ZNF594: variants seen among roughly 807,000 people sequenced by gnomAD.
The protein encoded by ZNF594 is zinc finger protein 594.
For synonymous variants in ZNF594, 336 were observed against 309.4 expected (o/e 1.09, Z -0.90); for missense variants, 1,037 against 964.6 (o/e 1.08, Z -0.99).
Position 5,183,642 on chromosome 17 carries a change from G to A in ZNF594, c.615C>T (p.His205=), listed in dbSNP as rs1045880517. The A allele has an allele frequency of 5.0e-6, 8 of 1,614,056 alleles. No individual in the cohort carries two copies. In the Admixed American group the frequency reaches 5.0e-5, roughly 10 times the overall value. ...SSNLVRHKQI[H]SGGNPYECKE... ...TGCACTCATAGGGATTCCCACCACTGTGAATTTGCTTATGTCTCACCAGAT... is the reference window on the plus strand; with the variant it reads ...TGCACTCATAGGGATTCCCACCACTATGAATTTGCTTATGTCTCACCAGAT... Residue 205 remains histidine, a synonymous_variant, in exon 2 of 2, where the codon CAC becomes CAT. Coordinates refer to ENST00000575779, the MANE Select transcript of ZNF594 (RefSeq NM_032530.2).
In ZNF594 at chr17:5,182,394, T is replaced by C. The variant is rs1448054208; in HGVS notation, c.1863A>G (p.Glu621=). ...CACATTTGTTGCATACATAAGGTTT[T>C]TCTCCACTGTGAATTCTATGATGTC... is the stretch of plus-strand genomic sequence containing the variant. ...LLRHHRIHSG[E]KPYVCNKCGK... The change falls in exon 2 of 2, where the codon GAA becomes GAG. Residue 621 remains glutamate, a synonymous_variant. Transcript: ENST00000575779. 6.2e-6 allele frequency: 10 copies of C among 1,613,520 alleles called. No homozygotes were observed. The highest frequency in any genetic ancestry group is 8.5e-6 in the Non-Finnish European group (10 of 1,180,000).
In ZNF594 at chr17:5,183,013, T is replaced by C; in HGVS notation, c.1244A>G (p.Gln415Arg). 1.2e-6 allele frequency: 2 copies of C among 1,614,176 alleles called. No individual in the cohort carries two copies. Among genetic ancestry groups the C allele is most frequent in the South Asian group, 2.2e-5 (2 of 91,082 alleles). The change falls in exon 2 of 2, where the codon CAG becomes CGG. Residue 415 changes from glutamine (Q) to arginine (R), a missense_variant. Coordinates refer to ENST00000575779, the MANE Select transcript of ZNF594 (RefSeq NM_032530.2). ...ATGATGTCTCAGAAGGTCTGAGCTC[T>C]GATTGAAAGTTTTCCCACATTCTTT... ...ECKECGKTFN[Q>R]SSDLLRHHRI...
rs1390408194 is a variant in ZNF594 at position 5,184,124 on chromosome 17, A to G, written c.133T>C (p.Leu45=). 1.2e-6 allele frequency: 2 copies of G among 1,614,064 alleles called. No homozygotes were observed. The highest frequency in any genetic ancestry group is 2.2e-5 in the East Asian group (1 of 44,892). Residue 45 remains leucine, a synonymous_variant, in exon 2 of 2, where the codon TTG becomes CTG. Coordinates refer to ENST00000575779, the MANE Select transcript of ZNF594 (RefSeq NM_032530.2). The stretch of plus-strand genomic sequence containing the variant: ...TTTAAAGGGCTTACCCAGTGCTTCA[A>G]TAATCTGTCCTCAGAATTACTGGTT... ...VETSNSEDRL[L]KHWVSPLKDA...
chr17:5,188,538 A>G (rs2144261413), intron 1 of ZNF594, among the ~76,000 whole-genome samples: 1 of 152,304 alleles, frequency 6.6e-6, no homozygotes, highest in Non-Finnish European at 1.5e-5. Flanking sequence ...ATAAAAAAAT[A>G]CACATTTTCA....
rs753635033 is a variant in ZNF594, at chr17:5,182,255, C to T, written c.2002G>A (p.Ala668Thr). Residue 668 changes from alanine to threonine, a missense_variant, in exon 2 of 2, where the codon GCT (alanine) becomes ACT (threonine). Transcript: ENST00000575779. Reference sequence around the variant, plus strand: ...CCAGTATGGATTTTCTGGTGTGTAGCAAGGTGTGACCTCTGGCTGAAGGCT... The same window carrying T: ...CCAGTATGGATTTTCTGGTGTGTAGTAAGGTGTGACCTCTGGCTGAAGGCT... ...GKAFSQRSHL[A>T]THQKIHTGEK... The T allele has an allele frequency of 2.5e-5, 41 of 1,613,310 alleles. 1 individual carries two copies. In the South Asian group the frequency reaches 4.3e-4, roughly 17 times the overall value.
In ZNF594 at chr17:5,182,604, C is replaced by T; in HGVS notation, c.1653G>A (p.Gln551=). Residue 551 remains glutamine, a synonymous_variant, in exon 2 of 2, where the codon CAG becomes CAA. Coordinates refer to ENST00000575779, the MANE Select transcript of ZNF594 (RefSeq NM_032530.2). ...TCTGCTCTCCCCTAAGCTCCTCATC[C>T]TGGCTGAAGGTTTTCTCACATTCAA... ...EKLECEKTFS[Q]DEELRGEQKI... is the part of the protein sequence containing the mutation. 6.2e-7 allele frequency: 1 copy of T among 1,613,554 alleles called. No individual in the cohort carries two copies. The highest frequency in any genetic ancestry group is 8.5e-7 in the Non-Finnish European group (1 of 1,179,674).
chr17:5,191,125 T>G (rs982168104), intron 1 of ZNF594, among the ~76,000 whole-genome samples: 2 of 151,698 alleles, frequency 1.3e-5, no homozygotes, highest in East Asian at 3.9e-4. Context: ...GCCGAGAAAA[T>G]TTTGGGCGCT....
At chr17:5,175,248 C>T (rs143162066), downstream of ZNF594, among the ~76,000 whole-genome samples, 10,227 of 152,138 alleles carry the variant, frequency 0.067, 1,148 homozygotes, top group African/African-American at 0.23. Flanking sequence ...TATAGCCGCT[C>T]CCCCTTGCTC....
At chr17:5,190,296 A>G (rs2144265536) in intron 1 of ZNF594, among the ~76,000 whole-genome samples, 1 of 152,226 alleles carries the variant, frequency 6.6e-6, no homozygotes, top group Non-Finnish European at 1.5e-5. Context: ...TGAACCTGGG[A>G]GGCGGAGGTT....
At chr17:5,187,768 A>C (rs144401024) in intron 1 of ZNF594, among the ~76,000 whole-genome samples, 4 of 152,222 alleles carry the variant, frequency 2.6e-5, no homozygotes, top group Non-Finnish European at 5.9e-5. Flanking sequence ...CATTTAGAAC[A>C]GTGCTTTGCA....
chr17:5,186,857 C>T (rs1458702934), intron 1 of ZNF594, among the ~76,000 whole-genome samples: 2 of 152,238 alleles, frequency 1.3e-5, no homozygotes, highest in East Asian at 3.8e-4. Context: ...TGCTCCAGTT[C>T]CCGACAAGTT....
At chr17:5,178,909 TA>T (rs2074321404), downstream of ZNF594, among the ~76,000 whole-genome samples, 1 of 152,208 alleles carries the variant, frequency 6.6e-6, no homozygotes, top group African/African-American at 2.4e-5. Flanking sequence ...AATACCTTTT[TA>T]AATTCTTCAA....
rs1264978282 is a variant in ZNF594, at chr17:5,182,106, G to A, written c.2151C>T (p.Phe717=). Residue 717 remains phenylalanine (F), a synonymous_variant, in exon 2 of 2, where the codon TTC becomes TTT. Coordinates refer to ENST00000575779, the MANE Select transcript of ZNF594 (RefSeq NM_032530.2). ...PYECKECGKL[F]MWHTAFLKHQ... is the part of the protein sequence containing the mutation. Reference sequence around the variant, plus strand: ...GTTTGAGGAAAGCCGTGTGCCACATGAAGAGTTTCCCACATTCCTTACATT... The same window carrying A: ...GTTTGAGGAAAGCCGTGTGCCACATAAAGAGTTTCCCACATTCCTTACATT... 1 of 1,613,368 alleles carries A rather than the reference G, an allele frequency of 6.2e-7. No homozygotes were observed. Among genetic ancestry groups the A allele is most frequent in the African/African-American group, 1.3e-5 (1 of 74,438 alleles).
intron 1 of ZNF594, among the ~76,000 whole-genome samples, chr17:5,187,914 G>A (rs1392255389): frequency 2.3e-5 from 3 of 130,410 alleles, no homozygotes; most frequent in African/African-American, 8.7e-5. Context: ...TTAGAGATAT[G>A]GTCTCACCAT....
Position 5,181,942 on chromosome 17 carries a change from C to T in ZNF594, c.2315G>A (p.Gly772Asp). The T allele has an allele frequency of 6.2e-7, 1 of 1,613,874 alleles. No homozygotes were observed. The highest frequency in any genetic ancestry group is 8.5e-7 in the Non-Finnish European group (1 of 1,180,016). The part of the protein sequence containing the change: ...WCNQCSRTFQ[G>D]SSDLIRHQVT... ...CTGATGTCTGATGAGATCTGAGCTG[C>T]CCTGGAAGGTCCTACTACACTGATT... The change falls in exon 2 of 2, where the codon GGC (glycine) becomes GAC (aspartate). Residue 772 changes from glycine (G) to aspartate (D), a missense_variant. Physicochemically the swap from Gly to Asp is moderately conservative, Grantham distance 94. Coordinates refer to ENST00000575779, the MANE Select transcript of ZNF594 (RefSeq NM_032530.2).
Position 5,182,162 on chromosome 17 carries a change from G to C in ZNF594, c.2095C>G (p.Arg699Gly). 1 of 1,613,480 alleles carries C rather than the reference G, an allele frequency of 6.2e-7. No homozygotes were observed. The highest frequency in any genetic ancestry group is 8.5e-7 in the Non-Finnish European group (1 of 1,179,944). ...FRRRSLLIQHRRLHSGEKPYE... is the reference protein window; with the variant it reads ...FRRRSLLIQHGRLHSGEKPYE... The stretch of plus-strand genomic sequence containing the variant: ...GGTTTCTCACCACTATGAAGTCTCC[G>C]ATGTTGAATAAGGAGGGAACGCCGC... The change falls in exon 2 of 2, where the codon CGG becomes GGG. Residue 699 changes from arginine (R) to glycine (G), a missense_variant. Physicochemically the swap from Arg to Gly is moderately radical, Grantham distance 125. Transcript: ENST00000575779.
At chr17:5,190,897 G>T (rs1274651468) in intron 1 of ZNF594, among the ~76,000 whole-genome samples, 1 of 152,104 alleles carries the variant, frequency 6.6e-6, no homozygotes, top group Non-Finnish European at 1.5e-5. Context: ...AGCTCCTGGG[G>T]ACGCGCTCGG....
At chr17:5,189,905 C>A (rs2074410364) in intron 1 of ZNF594, among the ~76,000 whole-genome samples, 1 of 152,086 alleles carries the variant, frequency 6.6e-6, no homozygotes, top group Non-Finnish European at 1.5e-5. Context: ...AAATAAAAAG[C>A]ATTATGTAGA....
At chr17:5,186,867 T>A (rs1003879812) in intron 1 of ZNF594, among the ~76,000 whole-genome samples, 1 of 152,190 alleles carries the variant, frequency 6.6e-6, no homozygotes. Flanking sequence ...CCCGACAAGT[T>A]CCTCATCTCC....
Sources: allele counts gnomAD v4.1 joint callset (sites outside exome capture counted in the v4.1 genomes callset), GRCh38; gene constraint gnomAD v4.1.1; transcripts MANE v1.5; gene names NCBI Gene and HGNC (gene_info 2026-07-23, HGNC 2026-07-21).